PLPP4: variants seen among roughly 807,000 people sequenced by gnomAD.
The protein encoded by PLPP4 is phospholipid phosphatase 4.
Under a neutral mutation model 32.2 loss-of-function variants are expected in PLPP4, and 20 were observed. The ratio of observed to expected loss-of-function variants is 0.62; its 90% CI spans 0.44 to 0.90. The LOEUF (loss-of-function observed/expected upper bound fraction) is 0.90. Among genes scored for constraint, PLPP4 ranks in the 40% least tolerant of loss-of-function variants. PLPP4 has a pLI of 0.00. For synonymous variants in PLPP4, 127 were observed against 133.0 expected, an observed-to-expected ratio of 0.95 and a Z score of 0.31; for missense variants, 257 against 353.1, an observed-to-expected ratio of 0.73 and a Z score of 2.18.
At chr10:120,579,943 T>TAAA (rs34914600) in intron 6 of PLPP4, among the ~76,000 whole-genome samples, 2 of 127,246 alleles carry the variant, frequency 1.6e-5, no homozygotes, top group African/African-American at 2.9e-5. Flanking sequence ...CCGTCTCTAC[T>TAAA]AAAAAAAAAA....
chr10:120,536,392 G>C (rs1010584329), intron 5 of PLPP4, among the ~76,000 whole-genome samples: 32 of 152,124 alleles, frequency 2.1e-4, no homozygotes, highest in Admixed American at 9.8e-4. Context: ...GATGCATATA[G>C]GGTCAACTAA....
At chr10:120,545,970 C>A (rs1847594374) in intron 5 of PLPP4, among the ~76,000 whole-genome samples, 1 of 152,144 alleles carries the variant, frequency 6.6e-6, no homozygotes, top group Admixed American at 6.5e-5. Flanking sequence ...CTTTATCTTT[C>A]TCCTGTGCTA....
intron 6 of PLPP4, among the ~76,000 whole-genome samples, chr10:120,583,740 G>A (rs1416483957): frequency 1.3e-5 from 2 of 152,204 alleles, no homozygotes; most frequent in Middle Eastern, 3.2e-3. Context: ...AGTGCCTCTT[G>A]TAGATGTTGT....
At chr10:120,586,191 G>A (rs1405437650) in intron 6 of PLPP4, among the ~76,000 whole-genome samples, 1 of 149,372 alleles carries the variant, frequency 6.7e-6, no homozygotes, top group Non-Finnish European at 1.5e-5. Context: ...CTGGAGCGCA[G>A]TGGTACGATC....
chr10:120,458,215 G>A (rs1036814660), intron 1 of PLPP4, among the ~76,000 whole-genome samples: 10 of 152,076 alleles, frequency 6.6e-5, no homozygotes, highest in Admixed American at 2.0e-4. Context: ...GAGCCACCCC[G>A]CAGCCTCCCG....
intron 1 of PLPP4, among the ~76,000 whole-genome samples, chr10:120,481,934 G>A (rs866785600): frequency 6.6e-6 from 1 of 152,146 alleles, no homozygotes; most frequent in Non-Finnish European, 1.5e-5. Context: ...CTATAAGGGG[G>A]GGTTTCCCAC....
rs545816623 is a variant in PLPP4 at position 120,577,778 on chromosome 10, A to G, written c.616+2477A>G. ...AGCTCTGCCATTATGTGTTCAACTT[A>G]TACCCTTGGAGTCAGCCAGGAGAGG... On this transcript the variant is annotated intron_variant, in intron 6 of 6. Coordinates refer to ENST00000398250, the MANE Select transcript of PLPP4 (RefSeq NM_001030059.3). Among the ~76,000 whole-genome samples the G allele has an allele frequency of 3.9e-5, 6 of 152,290 alleles. No homozygotes were observed. In the South Asian group the frequency reaches 1.2e-3, roughly 32 times the overall value.
At chr10:120,530,439 C>T (rs1846650589) in intron 5 of PLPP4, among the ~76,000 whole-genome samples, 1 of 152,084 alleles carries the variant, frequency 6.6e-6, no homozygotes, top group Admixed American at 6.5e-5. Flanking sequence ...TGTCTGACAG[C>T]TTTGGCTCAG....
intron 1 of PLPP4, among the ~76,000 whole-genome samples, chr10:120,493,174 A>G (rs1432600950): frequency 6.6e-6 from 1 of 152,210 alleles, no homozygotes; most frequent in Non-Finnish European, 1.5e-5. Context: ...TGGTCAGAGC[A>G]CATATGTTTC....
Position 120,469,020 on chromosome 10 carries a change from A to G in PLPP4, c.56+11659A>G, listed in dbSNP as rs541320906. Among the ~76,000 whole-genome samples the G allele has an allele frequency of 1.9e-4, 12 of 64,808 alleles. 6 individuals are homozygous for G. In the East Asian group the frequency reaches 0.016, roughly 87 times the overall value. The allele number at this position is 64,808 out of a possible 152,430, so 42.5% of individuals were successfully genotyped here. The stretch of plus-strand genomic sequence containing the variant: ...CAAAGATTTTTTTGCTGTGTTCCAT[A>G]CAAAACAAAGTAAATATATTTGTCA... On this transcript the variant is annotated intron_variant, in intron 1 of 6. Transcript: ENST00000398250.
At chr10:120,523,381 G>T (rs1451140050) in intron 5 of PLPP4, among the ~76,000 whole-genome samples, 2 of 151,996 alleles carry the variant, frequency 1.3e-5, no homozygotes. Flanking sequence ...CCCGTTTGGA[G>T]TTGCTTCCTC....
At chr10:120,491,918 T>C (rs1844741859) in intron 1 of PLPP4, among the ~76,000 whole-genome samples, 3 of 152,190 alleles carry the variant, frequency 2.0e-5, no homozygotes, top group Non-Finnish European at 4.4e-5. Context: ...CCTGATGAAA[T>C]TAATAATAAT....
chr10:120,545,269 T>G (rs912950963), intron 5 of PLPP4, among the ~76,000 whole-genome samples: 1 of 152,256 alleles, frequency 6.6e-6, no homozygotes, highest in Non-Finnish European at 1.5e-5. Context: ...GCTTCCTCTT[T>G]ATTTACGAAA....
intron 2 of PLPP4, among the ~76,000 whole-genome samples, chr10:120,510,750 C>T (rs1845692805): frequency 6.6e-6 from 1 of 152,166 alleles, no homozygotes; most frequent in Non-Finnish European, 1.5e-5. Flanking sequence ...CCTCTTAATT[C>T]CAACTTTCAT....
intron 2 of PLPP4, among the ~76,000 whole-genome samples, chr10:120,506,299 T>A (rs1048082019): frequency 2.0e-5 from 3 of 152,230 alleles, no homozygotes; most frequent in Admixed American, 2.0e-4. Context: ...GATACATTTA[T>A]AATACCTATA....
At chr10:120,528,797 GT>G (rs552703793) in intron 5 of PLPP4, among the ~76,000 whole-genome samples, 2 of 152,046 alleles carry the variant, frequency 1.3e-5, no homozygotes, top group South Asian at 2.1e-4. Context: ...GTTTTGTTTT[GT>G]TTTTTTATCA....
At chr10:120,524,911 C>A (rs1317737858) in intron 5 of PLPP4, among the ~76,000 whole-genome samples, 2 of 151,478 alleles carry the variant, frequency 1.3e-5, no homozygotes, top group African/African-American at 4.9e-5. Flanking sequence ...ACTGATTCAA[C>A]TTCCAGAGAG....
chr10:120,522,013 A>G (rs937396373), intron 5 of PLPP4, among the ~76,000 whole-genome samples: 1 of 152,188 alleles, frequency 6.6e-6, no homozygotes, highest in Non-Finnish European at 1.5e-5. Flanking sequence ...GATAAATAAG[A>G]TGCAGCTTGT....
At chr10:120,479,300 G>A (rs564265378) in intron 1 of PLPP4, among the ~76,000 whole-genome samples, 19 of 152,032 alleles carry the variant, frequency 1.2e-4, no homozygotes, top group East Asian at 7.7e-4. Context: ...TTGCCAAATC[G>A]TCCTCCAGAA....
Sources: gnomAD v4.1 joint callset for allele counts (sites outside exome capture counted in the v4.1 genomes callset) on GRCh38, gnomAD v4.1.1 for gene constraint, MANE v1.5 for transcripts, NCBI Gene and HGNC (gene_info 2026-07-23, HGNC 2026-07-21) for gene names.